The following ZFAT variants were observed in gnomAD, a reference collection of about 807,000 sequenced individuals.
ZFAT encodes zinc finger protein ZFAT.
ZFAT carries 64 observed loss-of-function variants against 117.7 expected under a neutral mutation model. The ratio of observed to expected loss-of-function variants is 0.54; its 90% CI spans 0.44 to 0.67. The LOEUF (loss-of-function observed/expected upper bound fraction) is 0.67, where lower values mean the gene tolerates loss of function less well. Ranked by LOEUF, ZFAT falls within the 30% of genes least tolerant of loss-of-function variation. The pLI, the probability that ZFAT is intolerant of heterozygous loss-of-function variation, is 0.00. For missense variants in ZFAT, 1,433 were observed against 1,584.5 expected (o/e 0.90, Z 1.62); for synonymous variants, 679 against 615.0 (o/e 1.10, Z -1.54).
At chr8:134,782,667 A>AC in the ZFAT span, among the ~76,000 whole-genome samples, 1 of 150,752 alleles carries the variant, frequency 6.6e-6, no homozygotes, top group Non-Finnish European at 1.5e-5. Flanking sequence ...TATAAGGGAA[A>AC]CCCCCTTTGC....
chr8:134,730,621 C>T, the ZFAT span, among the ~76,000 whole-genome samples: 1 of 152,216 alleles, frequency 6.6e-6, no homozygotes, highest in Non-Finnish European at 1.5e-5. Context: ...GTGTGATCCC[C>T]TGTTTAAAGA....
intron 15 of ZFAT, among the ~76,000 whole-genome samples, chr8:134,490,653 C>T (rs901515021): frequency 6.6e-6 from 1 of 152,220 alleles, no homozygotes; most frequent in Non-Finnish European, 1.5e-5. Context: ...ACCAGCTCCC[C>T]ATTACTGAAG....
At chr8:134,568,446 C>T (rs1469320323) in intron 10 of ZFAT, among the ~76,000 whole-genome samples, 1 of 152,212 alleles carries the variant, frequency 6.6e-6, no homozygotes, top group East Asian at 1.9e-4. Flanking sequence ...TCTGGGCAGC[C>T]TGGGCAAAAC....
At chr8:134,637,814 A>G (rs541570725) in intron 2 of ZFAT, 102 bp from the exon 3 acceptor site, 25 of 1,471,422 alleles carry the variant, frequency 1.7e-5, no homozygotes, top group South Asian at 4.1e-5. Context: ...TTCACGTTTC[A>G]TTAAAAATGA....
At chr8:134,803,235 C>T in the ZFAT span, among the ~76,000 whole-genome samples, 1 of 152,164 alleles carries the variant, frequency 6.6e-6, no homozygotes, top group Non-Finnish European at 1.5e-5. Flanking sequence ...ATAAATTATG[C>T]ATCCATCTTA....
At chr8:134,821,784 TGAG>T in the ZFAT span, among the ~76,000 whole-genome samples, 4 of 152,132 alleles carry the variant, frequency 2.6e-5, no homozygotes, top group Admixed American at 6.5e-5. Flanking sequence ...GAAATGCACT[TGAG>T]GAGATCAAAT....
At chr8:134,635,231 T>C (rs1167413621) in intron 3 of ZFAT, among the ~76,000 whole-genome samples, 1 of 152,168 alleles carries the variant, frequency 6.6e-6, no homozygotes, top group Admixed American at 6.5e-5. Context: ...CAGCTGAACT[T>C]CTGGGCCTCC....
At chr8:134,594,381 G>A (rs1457585913) in intron 7 of ZFAT, among the ~76,000 whole-genome samples, 1 of 152,220 alleles carries the variant, frequency 6.6e-6, no homozygotes, top group Non-Finnish European at 1.5e-5. Flanking sequence ...AGGATTGAAA[G>A]TAGCTTCGTC....
Position 134,537,522 on chromosome 8 carries a change from G to A in ZFAT, c.2977-4550C>T, listed in dbSNP as rs137909351. ...GGCTATCATTAGGAGGCAGGGACTT[G>A]GCAGGGGAGAAGACGAGGGTCGATA... is the stretch of plus-strand genomic sequence containing the variant. On this transcript the variant is annotated intron_variant, in intron 11 of 15. Transcript: ENST00000377838. 7.1e-4 allele frequency among the ~76,000 whole-genome samples: 108 copies of A among 152,328 alleles called. 1 individual carries two copies. Among genetic ancestry groups the A allele is most frequent in the African/African-American group, 2.4e-3 (101 of 41,586 alleles).
chr8:134,736,800 G>C, the ZFAT span, among the ~76,000 whole-genome samples: 6 of 152,036 alleles, frequency 3.9e-5, no homozygotes, highest in African/African-American at 1.4e-4. Flanking sequence ...TTCCCAGGCT[G>C]GTCTCAAACT....
At chr8:134,649,046 C>A (rs1235217785) in intron 2 of ZFAT, among the ~76,000 whole-genome samples, 5 of 151,870 alleles carry the variant, frequency 3.3e-5, no homozygotes, top group African/African-American at 1.2e-4. Flanking sequence ...GTCATCTCAA[C>A]AAACTCAGAA....
chr8:134,738,303 G>A, the ZFAT span, among the ~76,000 whole-genome samples: 2 of 152,108 alleles, frequency 1.3e-5, no homozygotes, highest in African/African-American at 2.4e-5. Flanking sequence ...GTAGAATTCT[G>A]CGGCTGTCCC....
At chr8:134,731,149 G>T in the ZFAT span, among the ~76,000 whole-genome samples, 4 of 152,230 alleles carry the variant, frequency 2.6e-5, no homozygotes, top group Admixed American at 6.5e-5. Context: ...CTGCATGTGG[G>T]AGAGGTAATG....
the ZFAT span, among the ~76,000 whole-genome samples, chr8:134,783,412 C>T: frequency 2.6e-5 from 4 of 152,086 alleles, no homozygotes; most frequent in East Asian, 1.9e-4. Context: ...GTTGCACACT[C>T]CTTATGAGAA....
the ZFAT span, among the ~76,000 whole-genome samples, chr8:134,827,867 G>T: frequency 1.3e-5 from 2 of 151,850 alleles, no homozygotes. Context: ...AAGAACATTG[G>T]GAATAGAAAA....
At chr8:134,756,842 T>G in the ZFAT span, among the ~76,000 whole-genome samples, 1 of 152,212 alleles carries the variant, frequency 6.6e-6, no homozygotes, top group Non-Finnish European at 1.5e-5. Flanking sequence ...GCAGTTGCTG[T>G]GCAAGCTGCT....
intron 1 of ZFAT, among the ~76,000 whole-genome samples, chr8:134,671,231 G>C (rs1363820131): frequency 6.6e-6 from 1 of 152,168 alleles, no homozygotes; most frequent in Non-Finnish European, 1.5e-5. Context: ...GAAAAAGAGG[G>C]AATCCTCCCT....
chr8:134,805,419 T>C, the ZFAT span, among the ~76,000 whole-genome samples: 1 of 152,212 alleles, frequency 6.6e-6, no homozygotes. Flanking sequence ...TGGGTTTTCC[T>C]GGCAGAGGAT....
At chr8:134,741,689 C>A in the ZFAT span, among the ~76,000 whole-genome samples, 1 of 152,114 alleles carries the variant, frequency 6.6e-6, no homozygotes, top group Non-Finnish European at 1.5e-5. Flanking sequence ...ACACCCAGTC[C>A]AGACCTTCCT....
Sources: gnomAD v4.1 joint callset for allele counts (sites outside exome capture counted in the v4.1 genomes callset) on GRCh38, gnomAD v4.1.1 for gene constraint, MANE v1.5 for transcripts, NCBI Gene and HGNC (gene_info 2026-07-23, HGNC 2026-07-21) for gene names.